The following CWF19L1 variants were observed in gnomAD, a reference collection of about 807,000 sequenced individuals.
CWF19L1 encodes the protein CWF19-like protein 1.
In CWF19L1, 60 loss-of-function variants were observed where a neutral mutation model predicts 69.7. The observed-to-expected ratio is 0.86, with a 90% CI of 0.70 to 1.07. CWF19L1 has a LOEUF of 1.07. Among genes scored for constraint, CWF19L1 ranks in the 50% least tolerant of loss-of-function variants. The pLI is 0.00. For synonymous variants in CWF19L1, 209 were observed against 222.2 expected, an observed-to-expected ratio of 0.94 and a Z score of 0.53; for missense variants, 591 against 638.9, an observed-to-expected ratio of 0.92 and a Z score of 0.81.
intron 4 of CWF19L1, among the ~76,000 whole-genome samples, chr10:100,257,042 A>T (rs1847235332): frequency 6.6e-6 from 1 of 152,198 alleles, no homozygotes; most frequent in Non-Finnish European, 1.5e-5. Context: ...GAAAAATTTA[A>T]GACGCCACTC....
At chr10:100,247,304 C>A (rs1846858931) in intron 7 of CWF19L1, among the ~76,000 whole-genome samples, 1 of 152,208 alleles carries the variant, frequency 6.6e-6, no homozygotes, top group Admixed American at 6.5e-5. Flanking sequence ...TTTGTGTACT[C>A]TGTCCACAGA....
Position 100,253,629 on chromosome 10 carries a change from T to C in CWF19L1, c.505-90A>G, listed in dbSNP as rs1847115163. 5.2e-6 allele frequency: 4 copies of C among 773,048 alleles called. No homozygotes were observed. In the South Asian group the frequency reaches 6.2e-5, roughly 12 times the overall value. 47.9% of individuals were successfully genotyped at this position (773,048 alleles called of 1,614,324 possible). ...AAGACATTTTGAAATGTCTTTGAAA[T>C]TTATACATGAATACAGATGTGGACA... On this transcript the variant is annotated intron_variant, in intron 5 of 13. Coordinates refer to ENST00000354105, the MANE Select transcript of CWF19L1 (RefSeq NM_018294.6).
At chr10:100,252,953 A>G (rs1847091557) in intron 6 of CWF19L1, among the ~76,000 whole-genome samples, 1 of 152,174 alleles carries the variant, frequency 6.6e-6, no homozygotes, top group African/African-American at 2.4e-5. Flanking sequence ...ATGTGTATAT[A>G]CTGTGGGATG....
chr10:100,237,145 G>A, intron 11 of CWF19L1, 176 bp from the exon 12 acceptor site: 1 of 801,904 alleles, frequency 1.2e-6, no homozygotes, highest in Non-Finnish European at 2.2e-6. Flanking sequence ...AAACTTATGA[G>A]ATAGCCTGAC....
chr10:100,244,576 C>T (rs1040642563), intron 9 of CWF19L1, among the ~76,000 whole-genome samples: 3 of 152,256 alleles, frequency 2.0e-5, no homozygotes, highest in African/African-American at 2.4e-5. Flanking sequence ...AGGATGGTCT[C>T]GATCTCCTGA....
intron 1 of CWF19L1, among the ~76,000 whole-genome samples, chr10:100,263,638 A>G (rs1847476271): frequency 6.6e-6 from 1 of 152,208 alleles, no homozygotes; most frequent in Non-Finnish European, 1.5e-5. Flanking sequence ...TCCACTGTCC[A>G]GTTTATACAT....
At chr10:100,237,266 A>G (rs1250006245) in intron 11 of CWF19L1, 2 of 586,524 alleles carry the variant, frequency 3.4e-6, no homozygotes, top group Non-Finnish European at 6.5e-6. Flanking sequence ...CCATTTGAAA[A>G]CTTAACAAAT....
chr10:100,233,576 T>C (rs1244990693), intron 13 of CWF19L1: 6 of 408,376 alleles, frequency 1.5e-5, no homozygotes, highest in Non-Finnish European at 2.6e-5. Context: ...CCCCACTTGC[T>C]TCTCCCTCTC....
intron 7 of CWF19L1, 128 bp from the exon 8 acceptor site, chr10:100,247,063 G>T: frequency 2.5e-6 from 2 of 802,646 alleles, no homozygotes; most frequent in Non-Finnish European, 3.7e-6. Context: ...ACAGCAACCA[G>T]CCCATCCATA....
chr10:100,251,882 G>C (rs868494415), intron 6 of CWF19L1, among the ~76,000 whole-genome samples: 4 of 152,200 alleles, frequency 2.6e-5, no homozygotes, highest in Admixed American at 6.5e-5. Flanking sequence ...GTTTTGAGTG[G>C]CTTGTTCCCA....
chr10:100,250,417 T>C, intron 6 of CWF19L1, 85 bp from the exon 7 acceptor site: 2 of 819,530 alleles, frequency 2.4e-6, no homozygotes, highest in South Asian at 1.4e-5. Flanking sequence ...TATGGGGCCA[T>C]AAAAAGAGCA....
At chr10:100,258,165 G>T (rs1267675637) in intron 4 of CWF19L1, among the ~76,000 whole-genome samples, 1 of 152,174 alleles carries the variant, frequency 6.6e-6, no homozygotes, top group Non-Finnish European at 1.5e-5. Flanking sequence ...TTGAATCCGG[G>T]AGGCAGAGGT....
At chr10:100,250,700 C>T (rs1263506801) in intron 6 of CWF19L1, among the ~76,000 whole-genome samples, 1 of 152,124 alleles carries the variant, frequency 6.6e-6, no homozygotes, top group African/African-American at 2.4e-5. Flanking sequence ...AGGCCAGGCA[C>T]TTTGGGAGGC....
intron 5 of CWF19L1, among the ~76,000 whole-genome samples, chr10:100,255,417 G>A (rs1177554950): frequency 1.3e-5 from 2 of 151,980 alleles, no homozygotes; most frequent in East Asian, 3.9e-4. Context: ...GGCTGAGGTG[G>A]GCAAATTACT....
intron 10 of CWF19L1, 105 bp downstream of exon 10, chr10:100,243,593 T>C (rs1420547910): frequency 9.9e-7 from 1 of 1,012,900 alleles, no homozygotes; most frequent in Non-Finnish European, 1.5e-6. Context: ...CACCGAATCA[T>C]ACACTTAAAC....
At chr10:100,255,438 A>G (rs1311439137) in intron 5 of CWF19L1, among the ~76,000 whole-genome samples, 1 of 151,478 alleles carries the variant, frequency 6.6e-6, no homozygotes, top group Non-Finnish European at 1.5e-5. Flanking sequence ...TGAGGTCAGG[A>G]GTTTGAGACC....
intron 6 of CWF19L1, among the ~76,000 whole-genome samples, chr10:100,252,522 A>G (rs193154143): frequency 6.6e-6 from 1 of 151,644 alleles, no homozygotes; most frequent in East Asian, 1.9e-4. Flanking sequence ...TCTGAGTGCA[A>G]AAGAAAAAAA....
intron 1 of CWF19L1, 70 bp downstream of exon 1, chr10:100,267,498 ACTC>A: frequency 6.2e-7 from 1 of 1,612,702 alleles, no homozygotes; most frequent in Non-Finnish European, 8.5e-7. Context: ...CATGGGAAAG[ACTC>A]CCGCCCGTGT....
rs1432703887 is a variant in CWF19L1 at position 100,255,801 on chromosome 10, A to T, written c.504+461T>A. On this transcript the variant is annotated intron_variant, in intron 5 of 13. Coordinates refer to ENST00000354105, the MANE Select transcript of CWF19L1 (RefSeq NM_018294.6). Reference sequence around the variant, plus strand: ...AAAAATTAGCCAGGCGTGGTGGCGCATGCCTATAATCTTAGCTACTCAGGA... The same window carrying T: ...AAAAATTAGCCAGGCGTGGTGGCGCTTGCCTATAATCTTAGCTACTCAGGA... Among the ~76,000 whole-genome samples the T allele has an allele frequency of 3.3e-5, 5 of 151,010 alleles. No individual in the cohort carries two copies. In the East Asian group the frequency reaches 9.7e-4, roughly 29 times the overall value.
Sources: gnomAD v4.1 joint callset for allele counts (sites outside exome capture counted in the v4.1 genomes callset) on GRCh38, gnomAD v4.1.1 for gene constraint, MANE v1.5 for transcripts, NCBI Gene and HGNC (gene_info 2026-07-23, HGNC 2026-07-21) for gene names.